CDH13: variants seen among roughly 807,000 people sequenced by gnomAD.
CDH13 encodes the protein cadherin 13, also known as cadherin-13.
CDH13 carries 24 observed loss-of-function variants against 63.8 expected under a neutral mutation model. The observed-to-expected ratio is 0.38, with a 90% CI of 0.27 to 0.53. The LOEUF (loss-of-function observed/expected upper bound fraction) is 0.53, where lower values mean the gene tolerates loss of function less well. Ranked by LOEUF, CDH13 falls within the 20% of genes least tolerant of loss-of-function variation. The pLI is 0.85. For synonymous variants in CDH13, 503 were observed against 355.3 expected (o/e 1.42, Z -4.67); for missense variants, 1,049 against 903.1 (o/e 1.16, Z -2.07).
At chr16:82,903,166 T>C (rs1040220184) in intron 2 of CDH13, among the ~76,000 whole-genome samples, 2 of 152,252 alleles carry the variant, frequency 1.3e-5, no homozygotes, top group Admixed American at 1.3e-4. Flanking sequence ...GACTTATTCA[T>C]AGGATAACCC....
intron 7 of CDH13, among the ~76,000 whole-genome samples, chr16:83,598,161 T>G (rs1907449847): frequency 6.6e-6 from 1 of 151,980 alleles, no homozygotes. Context: ...AGCTAAGGAG[T>G]TCAGGACCAG....
At position 83,317,646 on chromosome 16, in the gene CDH13, C is replaced by T. The variant is rs1351467217; in HGVS notation, c.637-27216C>T. Among the ~76,000 whole-genome samples, 3 of 152,058 alleles carry T rather than the reference C, an allele frequency of 2.0e-5. No individual in the cohort carries two copies. In the East Asian group the frequency reaches 5.8e-4, roughly 30 times the overall value. On this transcript the variant is annotated intron_variant, in intron 5 of 13. Transcript: ENST00000567109. The stretch of plus-strand genomic sequence containing the variant: ...TGAAACCCCATCTCTGCTAAAAATA[C>T]AAAATTAGCCAAGCATGGTGGCATG...
intron 1 of CDH13, among the ~76,000 whole-genome samples, chr16:82,819,987 C>T (rs1253043865): frequency 1.3e-5 from 2 of 152,052 alleles, no homozygotes; most frequent in East Asian, 1.9e-4. Flanking sequence ...AGAAGTGGTT[C>T]CGAGAGACAG....
At chr16:83,431,154 T>A (rs1567667882) in intron 6 of CDH13, among the ~76,000 whole-genome samples, 1 of 152,042 alleles carries the variant, frequency 6.6e-6, no homozygotes, top group Non-Finnish European at 1.5e-5. Context: ...AACTCATCAT[T>A]TTTTATGGCT....
chr16:82,831,710 C>T (rs540866550), intron 1 of CDH13, among the ~76,000 whole-genome samples: 1 of 152,194 alleles, frequency 6.6e-6, no homozygotes, highest in African/African-American at 2.4e-5. Flanking sequence ...TTCTGCTGCT[C>T]CACATTGTTC....
chr16:83,344,127 G>A (rs2090785836), intron 5 of CDH13, among the ~76,000 whole-genome samples: 1 of 152,232 alleles, frequency 6.6e-6, no homozygotes, highest in Non-Finnish European at 1.5e-5. Flanking sequence ...TTATCGCTGA[G>A]TTAAATCAAG....
intron 3 of CDH13, among the ~76,000 whole-genome samples, chr16:83,087,503 A>G (rs2033663772): frequency 1.3e-5 from 2 of 151,980 alleles, no homozygotes; most frequent in South Asian, 4.2e-4. Context: ...CCCTGTGTCT[A>G]CTAAAAATAC....
chr16:83,142,313 C>T (rs1359102718), intron 4 of CDH13, among the ~76,000 whole-genome samples: 2 of 151,834 alleles, frequency 1.3e-5, no homozygotes, highest in African/African-American at 2.4e-5. Context: ...GGTGTGTGCC[C>T]CCACACCTGG....
intron 5 of CDH13, among the ~76,000 whole-genome samples, chr16:83,253,380 A>G (rs1373852034): frequency 1.3e-5 from 2 of 152,184 alleles, no homozygotes. Flanking sequence ...AAGCCGCCTC[A>G]ACTGCCCAGG....
At chr16:83,026,662 G>A (rs1475172236) in intron 2 of CDH13, among the ~76,000 whole-genome samples, 3 of 152,122 alleles carry the variant, frequency 2.0e-5, no homozygotes, top group African/African-American at 7.2e-5. Flanking sequence ...CAAAAGTTAA[G>A]CAACCCTGCT....
intron 4 of CDH13, among the ~76,000 whole-genome samples, chr16:83,142,164 T>TTG (rs201176789): frequency 3.6e-4 from 38 of 105,440 alleles, no homozygotes; most frequent in South Asian, 1.1e-3. Context: ...GTTTTTGTTT[T>TTG]TTTTTTTTTT....
intron 6 of CDH13, among the ~76,000 whole-genome samples, chr16:83,456,654 G>C (rs1031167011): frequency 1.3e-5 from 2 of 152,160 alleles, no homozygotes; most frequent in African/African-American, 2.4e-5. Flanking sequence ...AGTGAATGAT[G>C]TGTTGCATCA....
chr16:83,706,141 C>T (rs1425826380), intron 10 of CDH13, among the ~76,000 whole-genome samples: 1 of 152,204 alleles, frequency 6.6e-6, no homozygotes, highest in Non-Finnish European at 1.5e-5. Context: ...AATGCTTATT[C>T]AGTTGTTTAT....
chr16:83,252,006 G>A (rs945535650), intron 5 of CDH13, among the ~76,000 whole-genome samples: 7 of 151,140 alleles, frequency 4.6e-5, no homozygotes, highest in African/African-American at 1.7e-4. Flanking sequence ...TGATCCCCGG[G>A]ATGCATTGGA....
chr16:83,002,094 G>C (rs1567733439), intron 2 of CDH13, among the ~76,000 whole-genome samples: 1 of 152,340 alleles, frequency 6.6e-6, no homozygotes, highest in East Asian at 1.9e-4. Flanking sequence ...GATATGATGG[G>C]TTGAATGTCG....
At chr16:83,031,036 T>G (rs922446012) in intron 2 of CDH13, among the ~76,000 whole-genome samples, 1 of 151,648 alleles carries the variant, frequency 6.6e-6, no homozygotes, top group African/African-American at 2.4e-5. Context: ...CAAGAAAATG[T>G]GGCCCACTAG....
At chr16:82,702,055 C>A (rs978511973) in intron 1 of CDH13, among the ~76,000 whole-genome samples, 1 of 152,184 alleles carries the variant, frequency 6.6e-6, no homozygotes, top group East Asian at 1.9e-4. Flanking sequence ...CCATCCAACT[C>A]ACCTTTCCCA....
intron 1 of CDH13, chr16:82,824,910 C>G (rs1204557105): frequency 6.6e-6 from 1 of 152,178 alleles, no homozygotes; most frequent in East Asian, 1.9e-4. Context: ...TATGATAATG[C>G]ATGCTGCTTC....
At chr16:82,827,954 C>T (rs544066487) in intron 1 of CDH13, among the ~76,000 whole-genome samples, 3 of 152,210 alleles carry the variant, frequency 2.0e-5, no homozygotes, top group East Asian at 3.9e-4. Flanking sequence ...ATCCAGTCAT[C>T]CTGGTTTGCC....
Sources: gnomAD v4.1 joint callset for allele counts (sites outside exome capture counted in the v4.1 genomes callset) on GRCh38, gnomAD v4.1.1 for gene constraint, MANE v1.5 for transcripts, NCBI Gene and HGNC (gene_info 2026-07-23, HGNC 2026-07-21) for gene names.